TUBA4B: variants seen among roughly 807,000 people sequenced by gnomAD.
TUBA4B encodes tubulin alpha 4b.
Under a neutral mutation model 18.4 loss-of-function variants are expected in TUBA4B, and 13 were observed. The observed-to-expected ratio is 0.71, with a 90% CI of 0.46 to 1.12. The LOEUF is 1.12. TUBA4B is among the 50% of genes most tolerant of loss of function. TUBA4B has a pLI of 0.00. For synonymous variants in TUBA4B, 101 were observed against 99.1 expected (o/e 1.02, Z -0.11); for missense variants, 244 against 250.0 (o/e 0.98, Z 0.16).
intron 1 of TUBA4B, among the ~76,000 whole-genome samples, chr2:219,258,030 A>G (rs1261203641): frequency 1.6e-5 from 2 of 125,680 alleles, no homozygotes; most frequent in African/African-American, 6.4e-5. Flanking sequence ...TGTGTCACCC[A>G]GGCTGGAGTG....
intron 2 of TUBA4B, among the ~76,000 whole-genome samples, chr2:219,268,482 G>A (rs1380777056): frequency 6.6e-6 from 1 of 152,228 alleles, no homozygotes; most frequent in Non-Finnish European, 1.5e-5. Flanking sequence ...ACACCCTAGT[G>A]TGTGTTAGGC....
In TUBA4B at chr2:219,272,162, C is replaced by A; in HGVS notation, c.*463C>A. 1 of 624,670 alleles carries A rather than the reference C, an allele frequency of 1.6e-6. No individual in the cohort carries two copies. Among genetic ancestry groups the A allele is most frequent in the Non-Finnish European group, 3.0e-6 (1 of 336,924 alleles). The allele number at this position is 624,670 out of a possible 1,614,324, so 38.7% of individuals were successfully genotyped here. ...TGAATACTAGGGGAATACTGTGTGT[C>A]TGTCCTACATAAAGTGCTGTGGCCT... On this transcript the variant is annotated 3_prime_UTR_variant, in exon 4 of 4. Transcript: ENST00000490341.
At chr2:219,253,799 C>T (rs1034982991) in intron 1 of TUBA4B, 9 of 1,535,098 alleles carry the variant, frequency 5.9e-6, no homozygotes, top group Non-Finnish European at 7.0e-6. Context: ...AAGAAGTGTC[C>T]CCCAAAGGAG....
chr2:219,255,223 T>G (rs548136780), intron 1 of TUBA4B, among the ~76,000 whole-genome samples: 1 of 152,284 alleles, frequency 6.6e-6, no homozygotes, highest in African/African-American at 2.4e-5. Context: ...ACCAACACCA[T>G]GCCCAGCTTA....
chr2:219,259,845 C>T (rs1951749113), intron 1 of TUBA4B, among the ~76,000 whole-genome samples: 1 of 152,192 alleles, frequency 6.6e-6, no homozygotes, highest in African/African-American at 2.4e-5. Context: ...CTCCTTCTCA[C>T]AGCACTGCCT....
intron 1 of TUBA4B, among the ~76,000 whole-genome samples, chr2:219,259,247 C>T (rs141617891): frequency 4.1e-5 from 6 of 147,258 alleles, no homozygotes; most frequent in South Asian, 4.3e-4. Context: ...TGAACCTTGG[C>T]GGCAGAGGTT....
chr2:219,253,930 T>TGCCGCACC, intron 1 of TUBA4B: 1 of 1,008,054 alleles, frequency 9.9e-7, no homozygotes, highest in Non-Finnish European at 1.3e-6. Context: ...CTAGCTGCAG[T>TGCCGCACC]GCCGCACCGC....
In TUBA4B at chr2:219,271,977, C is replaced by G; in HGVS notation, c.*278C>G. 6.6e-7 allele frequency: 1 copy of G among 1,523,322 alleles called. No individual in the cohort carries two copies. The allele number at this position is 1,523,322 out of a possible 1,614,324, so 94.4% of individuals were successfully genotyped here. A position where few individuals can be genotyped will look rare whatever the true frequency, so the allele number is the denominator to read the frequency against. ...GGCCCGCCTGGACCACAAGTTTGAC[C>G]TGATGTATGCCAAGAGGGCGTTTGG... On this transcript the variant is annotated 3_prime_UTR_variant, in exon 4 of 4. Transcript: ENST00000490341.
chr2:219,271,567 G>T lies in TUBA4B; in HGVS notation c.594G>T (p.Leu198=), dbSNP rs190401200. Residue 198 remains leucine (L), a synonymous_variant, in exon 4 of 4, where the codon CTG becomes CTT. Transcript: ENST00000490341. ...NVDLTEFQTN[L]VSYLTSTSPW... ...ACCTGACAGAGTTCCAGACCAACCT[G>T]GTGTCCTACCTCACATCCACTTCCC... 727 of 1,614,152 alleles carry T rather than the reference G, an allele frequency of 4.5e-4. No individual in the cohort carries two copies. Among genetic ancestry groups the T allele is most frequent in the Non-Finnish European group, 5.8e-4 (683 of 1,180,018 alleles).
chr2:219,266,805 C>G (rs1360291294), intron 2 of TUBA4B, among the ~76,000 whole-genome samples: 1 of 152,048 alleles, frequency 6.6e-6, no homozygotes, highest in East Asian at 1.9e-4. Flanking sequence ...TGGGGCTGAG[C>G]CTAGGCTGAG....
At chr2:219,256,209 G>A (rs750273025) in intron 1 of TUBA4B, among the ~76,000 whole-genome samples, 2 of 152,086 alleles carry the variant, frequency 1.3e-5, no homozygotes, top group African/African-American at 2.4e-5. Flanking sequence ...TGTAAAACCG[G>A]GATAACAACT....
At position 219,266,550 on chromosome 2, in the gene TUBA4B, C is replaced by G. The variant is rs1481506484; in HGVS notation, c.42C>G (p.Pro14=). The G allele has an allele frequency of 2.8e-6, 2 of 703,002 alleles. No homozygotes were observed. Among genetic ancestry groups the G allele is most frequent in the Non-Finnish European group, 5.2e-6 (2 of 384,972 alleles). The allele number at this position is 703,002 out of a possible 1,614,324, so 43.5% of individuals were successfully genotyped here. ...CAGAGAGACAAGACCCCAGCCAGCCCCTGTCCAGGCAGCATGGTGAGTAGA... is the reference window on the plus strand; with the variant it reads ...CAGAGAGACAAGACCCCAGCCAGCCGCTGTCCAGGCAGCATGGTGAGTAGA... The part of the protein sequence containing the change: ...QQTERQDPSQ[P]LSRQHGTYRQ... The change falls in exon 2 of 4, where the codon CCC becomes CCG. Residue 14 remains proline (P), a synonymous_variant. Coordinates refer to ENST00000490341, the MANE Select transcript of TUBA4B (RefSeq NM_001355221.1).
chr2:219,270,533 C>T (rs1023129567), intron 3 of TUBA4B, among the ~76,000 whole-genome samples, 198 bp downstream of exon 3: 2 of 152,164 alleles, frequency 1.3e-5, no homozygotes, highest in African/African-American at 4.8e-5. Flanking sequence ...TCCCCTGTAT[C>T]TCCGAAGTGG....
chr2:219,261,248 AG>A (rs1951758058), intron 1 of TUBA4B, among the ~76,000 whole-genome samples: 1 of 152,198 alleles, frequency 6.6e-6, no homozygotes, highest in African/African-American at 2.4e-5. Context: ...ATCTTCCCTC[AG>A]GAACACAAGA....
In TUBA4B at chr2:219,271,972, T is replaced by G; in HGVS notation, c.*273T>G. On this transcript the variant is annotated 3_prime_UTR_variant, in exon 4 of 4. Coordinates refer to ENST00000490341, the MANE Select transcript of TUBA4B (RefSeq NM_001355221.1). ...GCCTGGGCCCGCCTGGACCACAAGT[T>G]TGACCTGATGTATGCCAAGAGGGCG... The G allele has an allele frequency of 8.5e-6, 13 of 1,522,632 alleles. No individual in the cohort carries two copies. The highest frequency in any genetic ancestry group is 1.2e-5 in the Non-Finnish European group (13 of 1,097,318). 94.3% of individuals were successfully genotyped at this position (1,522,632 alleles called of 1,614,324 possible).
intron 2 of TUBA4B, among the ~76,000 whole-genome samples, chr2:219,267,771 G>T (rs1951799456): frequency 6.6e-6 from 1 of 152,098 alleles, no homozygotes. Flanking sequence ...CACTATGTTG[G>T]CCAGGATGGT....
chr2:219,270,921 A>AC (rs1485973102), intron 3 of TUBA4B, among the ~76,000 whole-genome samples: 2 of 151,668 alleles, frequency 1.3e-5, no homozygotes, highest in African/African-American at 4.9e-5. Flanking sequence ...CCACCATCAT[A>AC]CCCCTCTTTT....
chr2:219,265,597 A>G (rs1190447559), intron 1 of TUBA4B, among the ~76,000 whole-genome samples: 1 of 152,170 alleles, frequency 6.6e-6, no homozygotes, highest in African/African-American at 2.4e-5. Context: ...AGATTGCACC[A>G]CTGCACTCCA....
chr2:219,261,134 C>T (rs1951757444), intron 1 of TUBA4B, among the ~76,000 whole-genome samples: 1 of 152,072 alleles, frequency 6.6e-6, no homozygotes, highest in Non-Finnish European at 1.5e-5. Context: ...TATTATCCCA[C>T]AAGAAATCTG....
Sources: allele counts gnomAD v4.1 joint callset (sites outside exome capture counted in the v4.1 genomes callset), GRCh38; gene constraint gnomAD v4.1.1; transcripts MANE v1.5; gene names NCBI Gene and HGNC (gene_info 2026-07-23, HGNC 2026-07-21).